SYN2: variants seen among roughly 807,000 people sequenced by gnomAD.
The protein encoded by SYN2 is synapsin II.
In SYN2, 19 loss-of-function variants were observed where a neutral mutation model predicts 50.9. The ratio of observed to expected loss-of-function variants is 0.37; its 90% CI spans 0.26 to 0.55. The LOEUF is 0.55. Among genes scored for constraint, SYN2 ranks in the 20% least tolerant of loss-of-function variants. The probability of loss-of-function intolerance (pLI) is 0.81; values close to 1 mark genes in which losing one functional copy is unlikely to be tolerated. For missense variants in SYN2, 587 were observed against 576.4 expected, an observed-to-expected ratio of 1.02 and a Z score of -0.19; for synonymous variants, 255 against 224.9, an observed-to-expected ratio of 1.13 and a Z score of -1.20.
rs76648690 is a variant in SYN2 at position 12,090,900 on chromosome 3, A to G, written c.378-49751A>G. Among the ~76,000 whole-genome samples the G allele has an allele frequency of 2.2e-3, 333 of 152,304 alleles. 2 individuals are homozygous for G. Among genetic ancestry groups the G allele is most frequent in the African/African-American group, 7.4e-3 (308 of 41,564 alleles). On this transcript the variant is annotated intron_variant, in intron 1 of 12. Transcript: ENST00000621198. The stretch of plus-strand genomic sequence containing the variant: ...CTAAATGGTTTGCTTTGAGTGATAG[A>G]TGTATTTAAAATGTTATAAGACAAA...
rs200818377 is a variant in SYN2, at chr3:12,038,751, T to C, written c.377+33823T>C. Among the ~76,000 whole-genome samples, 16 of 152,314 alleles carry C rather than the reference T, an allele frequency of 1.1e-4. No individual in the cohort carries two copies. The East Asian group carries it at 3.1e-3, about 29-fold the overall frequency. ...AGAAATACAATTGATTTTTGTATAT[T>C]GATTGTGTATCCTGCAACCTTGCTG... On this transcript the variant is annotated intron_variant, in intron 1 of 12. Transcript: ENST00000621198.
chr3:12,179,113 C>G (rs984107971), intron 10 of SYN2, among the ~76,000 whole-genome samples: 3 of 152,176 alleles, frequency 2.0e-5, no homozygotes, highest in African/African-American at 7.2e-5. Flanking sequence ...TTCACCAGCT[C>G]TCTCCTTCCT....
intron 1 of SYN2, among the ~76,000 whole-genome samples, chr3:12,017,455 T>A (rs911490165): frequency 2.0e-5 from 3 of 152,228 alleles, no homozygotes; most frequent in Non-Finnish European, 2.9e-5. Flanking sequence ...CTAACCATCA[T>A]GCTCTGTGAT....
chr3:12,130,356 C>G (rs1461946927), intron 1 of SYN2, among the ~76,000 whole-genome samples: 1 of 151,998 alleles, frequency 6.6e-6, no homozygotes, highest in Admixed American at 6.6e-5. Context: ...AATGATAGTT[C>G]CAGTCCAAGT....
intron 4 of SYN2, among the ~76,000 whole-genome samples, chr3:12,146,743 T>C (rs1867012): frequency 0.1 from 15,210 of 152,050 alleles, 1,091 homozygotes; most frequent in African/African-American, 0.2. Flanking sequence ...ATAGAAAAAG[T>C]GGGGCTAGGA....
chr3:12,176,555 G>A (rs1655573557), intron 10 of SYN2, among the ~76,000 whole-genome samples: 1 of 152,170 alleles, frequency 6.6e-6, no homozygotes, highest in Non-Finnish European at 1.5e-5. Flanking sequence ...TACATTTGGT[G>A]TCCAGAATGA....
intron 1 of SYN2, among the ~76,000 whole-genome samples, chr3:12,031,724 A>G (rs1384955037): frequency 2.2e-4 from 6 of 26,808 alleles, no homozygotes; most frequent in South Asian, 1.9e-3. Context: ...TTTGTTTTCC[A>G]TTTGCTTGGT....
intron 1 of SYN2, among the ~76,000 whole-genome samples, chr3:12,048,783 C>T (rs941723769): frequency 1.3e-5 from 2 of 152,114 alleles, no homozygotes; most frequent in Non-Finnish European, 2.9e-5. Flanking sequence ...AGATAATATG[C>T]CCAAGTCATG....
At chr3:12,154,555 T>A in intron 5 of SYN2, 1 of 1,353,446 alleles carries the variant, frequency 7.4e-7, no homozygotes, top group Non-Finnish European at 1.0e-6. Context: ...CCCAATGACT[T>A]TGGTGGCAGT....
chr3:12,157,525 G>A, intron 5 of SYN2: 1 of 1,580,714 alleles, frequency 6.3e-7, no homozygotes, highest in Non-Finnish European at 8.7e-7. Context: ...CAGCTGGTGG[G>A]GGCAATACAC....
intron 1 of SYN2, among the ~76,000 whole-genome samples, chr3:12,095,757 T>C (rs1034445285): frequency 6.6e-6 from 1 of 150,962 alleles, no homozygotes; most frequent in African/African-American, 2.4e-5. Context: ...TGTTGGGATT[T>C]CTCAGGGCTC....
At chr3:12,028,145 G>A (rs971532892) in intron 1 of SYN2, among the ~76,000 whole-genome samples, 12 of 143,742 alleles carry the variant, frequency 8.3e-5, no homozygotes, top group Admixed American at 6.6e-4. Context: ...TGTTCTTGGC[G>A]ATAGTTTACT....
intron 3 of SYN2, among the ~76,000 whole-genome samples, chr3:12,143,042 G>GA (rs1198450869): frequency 6.6e-6 from 1 of 152,210 alleles, no homozygotes; most frequent in African/African-American, 2.4e-5. Flanking sequence ...TGTAGGTAGA[G>GA]AGGGTAATGG....
intron 1 of SYN2, chr3:12,071,179 A>G (rs1695346136): frequency 7.2e-6 from 4 of 552,346 alleles, no homozygotes; most frequent in Admixed American, 1.9e-5. Context: ...CAGGATGCAG[A>G]AGGCAATCAC....
chr3:12,068,311 CAGT>C (rs1433370756), intron 1 of SYN2, among the ~76,000 whole-genome samples: 2 of 152,168 alleles, frequency 1.3e-5, no homozygotes, highest in African/African-American at 4.8e-5. Context: ...AGGCATTGCT[CAGT>C]TATCTTCCAG....
In SYN2 at chr3:12,105,256, T is replaced by C. The variant is rs142120895; in HGVS notation, c.378-35395T>C. Among the ~76,000 whole-genome samples the C allele has an allele frequency of 2.1e-3, 317 of 152,194 alleles. 1 individual carries two copies. Among genetic ancestry groups the C allele is most frequent in the Admixed American group, 4.1e-3 (62 of 15,290 alleles). On this transcript the variant is annotated intron_variant, in intron 1 of 12. Coordinates refer to ENST00000621198, the MANE Select transcript of SYN2 (RefSeq NM_133625.6). ...AGGAGGAATAGAGATTTTTGAATTC[T>C]GGGCAGAACCTTTTCTTCAGCATTT...
chr3:12,028,720 GT>G (rs2125140302), intron 1 of SYN2, among the ~76,000 whole-genome samples: 1 of 148,236 alleles, frequency 6.7e-6, no homozygotes, highest in East Asian at 2.0e-4. Flanking sequence ...TTTTGATGGG[GT>G]TGTTTGTTTT....
intron 1 of SYN2, among the ~76,000 whole-genome samples, chr3:12,126,703 C>T (rs539606144): frequency 1.6e-4 from 24 of 152,090 alleles, no homozygotes; most frequent in Non-Finnish European, 3.4e-4. Context: ...CTCTTTGTGC[C>T]TTAGTTATCT....
intron 1 of SYN2, among the ~76,000 whole-genome samples, chr3:12,093,900 A>C: frequency 7.0e-6 from 1 of 142,250 alleles, no homozygotes. Flanking sequence ...TCTGTTGCCC[A>C]GGCTAGAGTG....
Sources: gnomAD v4.1 joint callset for allele counts (sites outside exome capture counted in the v4.1 genomes callset) on GRCh38, gnomAD v4.1.1 for gene constraint, MANE v1.5 for transcripts, NCBI Gene and HGNC (gene_info 2026-07-23, HGNC 2026-07-21) for gene names.